The following KIF16B variants were observed in gnomAD, a reference collection of about 807,000 sequenced individuals.
KIF16B encodes the protein kinesin family member 16B.
In KIF16B, 98 loss-of-function variants were observed where a neutral mutation model predicts 156.3. The observed-to-expected ratio is 0.63, with a 90% CI of 0.53 to 0.74. KIF16B has a LOEUF of 0.74. Among genes scored for constraint, KIF16B ranks in the 30% least tolerant of loss-of-function variants. The pLI is 0.00. For missense variants in KIF16B, 1,421 were observed against 1,606.5 expected, an observed-to-expected ratio of 0.88 and a Z score of 1.97; for synonymous variants, 564 against 583.7, an observed-to-expected ratio of 0.97 and a Z score of 0.49.
At chr20:16,412,925 T>C (rs1291048871) in intron 15 of KIF16B, among the ~76,000 whole-genome samples, 1 of 151,996 alleles carries the variant, frequency 6.6e-6, no homozygotes, top group Admixed American at 6.6e-5. Flanking sequence ...TGGCTGATAA[T>C]GTAGTTTCTT....
At chr20:16,515,771 T>C in intron 3 of KIF16B, 107 bp from the exon 4 acceptor site, 2 of 632,346 alleles carry the variant, frequency 3.2e-6, no homozygotes. Context: ...TCTTAAGGAT[T>C]AGACCATATA....
rs139770481 is a variant in KIF16B at position 16,381,903 on chromosome 20, C to T, written c.1785-156G>A. 3.8e-3 allele frequency among the ~76,000 whole-genome samples: 586 copies of T among 152,312 alleles called. 3 individuals carry two copies. The highest frequency in any genetic ancestry group is 0.031 in the South Asian group (148 of 4,830). On this transcript the variant is annotated intron_variant, in intron 17 of 25. Transcript: ENST00000354981. Reference sequence around the variant, plus strand: ...TAGCAAGTTTAAAATGCATTCTTTGCTTTAGGACTATGATTAGGAATTAGA... The same window carrying T: ...TAGCAAGTTTAAAATGCATTCTTTGTTTTAGGACTATGATTAGGAATTAGA...
At chr20:16,473,153 G>A (rs952576048) in intron 12 of KIF16B, among the ~76,000 whole-genome samples, 3 of 152,162 alleles carry the variant, frequency 2.0e-5, no homozygotes, top group African/African-American at 7.2e-5. Flanking sequence ...CCGCAAAAGA[G>A]CATTTAGCTT....
At chr20:16,507,290 A>G (rs2068813203) in intron 7 of KIF16B, among the ~76,000 whole-genome samples, 1 of 152,148 alleles carries the variant, frequency 6.6e-6, no homozygotes, top group African/African-American at 2.4e-5. Context: ...CTCCCTCATT[A>G]ATAAAATGCT....
At chr20:16,529,629 C>A (rs906209989) in intron 1 of KIF16B, among the ~76,000 whole-genome samples, 3 of 152,150 alleles carry the variant, frequency 2.0e-5, no homozygotes, top group Admixed American at 6.5e-5. Context: ...GAATGAGATA[C>A]AAACATAAGT....
chr20:16,282,652 G>A (rs80024938), intron 25 of KIF16B, among the ~76,000 whole-genome samples: 12,300 of 151,998 alleles, frequency 0.081, 661 homozygotes, highest in Non-Finnish European at 0.12. Flanking sequence ...AGGGCTTTGG[G>A]GCATCACCAA....
intron 19 of KIF16B, among the ~76,000 whole-genome samples, chr20:16,377,354 G>A (rs1444835369): frequency 1.3e-5 from 2 of 151,872 alleles, no homozygotes; most frequent in African/African-American, 4.8e-5. Context: ...GAACCTAGGA[G>A]TTTGAGACCA....
chr20:16,445,740 G>T (rs1477074503), intron 12 of KIF16B, among the ~76,000 whole-genome samples: 2 of 152,136 alleles, frequency 1.3e-5, no homozygotes, highest in East Asian at 1.9e-4. Context: ...TGTGACTCAG[G>T]ACAGTGTGCA....
rs1439660392 is a variant in KIF16B at position 16,377,254 on chromosome 20, G to A, written c.3197+1551C>T. On this transcript the variant is annotated intron_variant, in intron 19 of 25. Coordinates refer to ENST00000354981, the MANE Select transcript of KIF16B (RefSeq NM_024704.5). ...GGGCAAGGTTTCATCTCTCCAATCT[G>A]AGCTTCAGTTAAGATCTCAACTGAG... Among the ~76,000 whole-genome samples the A allele has an allele frequency of 5.3e-5, 8 of 152,128 alleles. No homozygotes were observed. In the South Asian group the frequency reaches 1.7e-3, roughly 32 times the overall value.
intron 24 of KIF16B, among the ~76,000 whole-genome samples, chr20:16,317,579 A>G (rs1321404641): frequency 6.6e-6 from 1 of 152,242 alleles, no homozygotes; most frequent in Non-Finnish European, 1.5e-5. Flanking sequence ...CTGCAAAACC[A>G]TAAAAATTGG....
chr20:16,484,547 A>G (rs995954402), intron 12 of KIF16B, among the ~76,000 whole-genome samples: 6 of 152,246 alleles, frequency 3.9e-5, no homozygotes, highest in African/African-American at 1.4e-4. Flanking sequence ...ACAAATTAAC[A>G]ACTGCATACT....
At chr20:16,495,745 G>A (rs969968072) in intron 11 of KIF16B, among the ~76,000 whole-genome samples, 5 of 152,018 alleles carry the variant, frequency 3.3e-5, no homozygotes, top group Admixed American at 6.6e-5. Flanking sequence ...GTTGGAGTGC[G>A]GTGGCGTAAT....
intron 24 of KIF16B, among the ~76,000 whole-genome samples, chr20:16,324,444 A>G (rs1335858432): frequency 1.3e-5 from 2 of 151,998 alleles, no homozygotes; most frequent in East Asian, 3.9e-4. Flanking sequence ...TGGACTATTC[A>G]GTCATTAAGA....
chr20:16,467,267 C>A (rs2067517594), intron 12 of KIF16B, among the ~76,000 whole-genome samples: 1 of 152,170 alleles, frequency 6.6e-6, no homozygotes, highest in Non-Finnish European at 1.5e-5. Context: ...AAGACTGAGA[C>A]CTAATCATAG....
At chr20:16,315,150 A>T (rs1333518725) in intron 24 of KIF16B, among the ~76,000 whole-genome samples, 1 of 152,146 alleles carries the variant, frequency 6.6e-6, no homozygotes, top group East Asian at 1.9e-4. Flanking sequence ...AAGCATTCAC[A>T]TCTCCTGCTA....
chr20:16,561,715 C>A lies in KIF16B; in HGVS notation c.47+11514G>T, dbSNP rs150357495. On this transcript the variant is annotated intron_variant, in intron 1 of 25. Coordinates refer to ENST00000354981, the MANE Select transcript of KIF16B (RefSeq NM_024704.5). ...TAGTAAGACATATTGACATCACATACCCCAGTAACATATGAAGGACACAAA... is the reference window on the plus strand; with the variant it reads ...TAGTAAGACATATTGACATCACATAACCCAGTAACATATGAAGGACACAAA... 3.0e-3 allele frequency among the ~76,000 whole-genome samples: 454 copies of A among 152,264 alleles called. 2 individuals carry two copies. The highest frequency in any genetic ancestry group is 0.011 in the African/African-American group (443 of 41,540).
chr20:16,420,241 A>G (rs115932627), intron 15 of KIF16B, among the ~76,000 whole-genome samples: 1,785 of 152,240 alleles, frequency 0.012, 36 homozygotes, highest in African/African-American at 0.041. Flanking sequence ...AATATTTCCT[A>G]TGGTTTAAGG....
At chr20:16,506,606 A>AT (rs1335342835) in intron 7 of KIF16B, among the ~76,000 whole-genome samples, 5 of 152,198 alleles carry the variant, frequency 3.3e-5, no homozygotes, top group African/African-American at 1.2e-4. Context: ...GCATTCAACC[A>AT]TTATCGGATG....
intron 12 of KIF16B, among the ~76,000 whole-genome samples, chr20:16,442,701 G>C (rs868653128): frequency 6.6e-6 from 1 of 151,992 alleles, no homozygotes; most frequent in African/African-American, 2.4e-5. Flanking sequence ...CACCAGCAGC[G>C]GCAAAATGAG....
Sources: gnomAD v4.1 joint callset for allele counts (sites outside exome capture counted in the v4.1 genomes callset) on GRCh38, gnomAD v4.1.1 for gene constraint, MANE v1.5 for transcripts, NCBI Gene and HGNC (gene_info 2026-07-23, HGNC 2026-07-21) for gene names.